ADK: variants seen among roughly 807,000 people sequenced by gnomAD.
The protein encoded by ADK is N6,N6-dimethyladenosine kinase.
In ADK, 24 loss-of-function variants were observed where a neutral mutation model predicts 44.7. That is an observed-to-expected ratio of 0.54 (90% CI 0.39 to 0.76). ADK has a LOEUF of 0.76. Ranked by LOEUF, ADK falls within the 30% of genes least tolerant of loss-of-function variation. ADK has a pLI of 0.00. For missense variants in ADK, 321 were observed against 425.1 expected (o/e 0.76, Z 2.15); for synonymous variants, 128 against 142.6 (o/e 0.90, Z 0.73).
At chr10:74,382,950 AT>A (rs939142275) in intron 4 of ADK, among the ~76,000 whole-genome samples, 1 of 151,760 alleles carries the variant, frequency 6.6e-6, no homozygotes, top group Admixed American at 6.6e-5. Flanking sequence ...TGTTTATTGG[AT>A]TTTCCCCCCC....
At chr10:74,398,185 T>C (rs2132852673) in intron 5 of ADK, among the ~76,000 whole-genome samples, 2 of 152,222 alleles carry the variant, frequency 1.3e-5, no homozygotes, top group South Asian at 2.1e-4. Flanking sequence ...TTTTGAACTA[T>C]TAAGGTGTAA....
At chr10:74,275,739 A>G (rs1205361190) in intron 3 of ADK, among the ~76,000 whole-genome samples, 1 of 151,792 alleles carries the variant, frequency 6.6e-6, no homozygotes, top group Admixed American at 6.6e-5. Context: ...GCTTACTACA[A>G]CCTCCACCTC....
chr10:74,480,024 C>T (rs555036512), intron 6 of ADK, among the ~76,000 whole-genome samples: 2 of 152,174 alleles, frequency 1.3e-5, no homozygotes, highest in East Asian at 3.9e-4. Flanking sequence ...TCTTCTAATA[C>T]ATTTCTCAGG....
At chr10:74,325,785 A>G (rs1245701321) in intron 4 of ADK, among the ~76,000 whole-genome samples, 1 of 152,022 alleles carries the variant, frequency 6.6e-6, no homozygotes, top group African/African-American at 2.4e-5. Flanking sequence ...TGATTTGTGT[A>G]TGTTGAACCA....
intron 6 of ADK, among the ~76,000 whole-genome samples, chr10:74,474,533 T>TCTTTC (rs1235057779): frequency 2.0e-5 from 3 of 151,536 alleles, no homozygotes; most frequent in Non-Finnish European, 4.4e-5. Flanking sequence ...TTCTTTCCTT[T>TCTTTC]CTTTCCTTTC....
intron 10 of ADK, among the ~76,000 whole-genome samples, chr10:74,691,189 G>A (rs1451355795): frequency 6.6e-6 from 1 of 152,146 alleles, no homozygotes; most frequent in Non-Finnish European, 1.5e-5. Context: ...ATCACTAAAG[G>A]ACAGATAGCT....
chr10:74,491,825 A>G lies in ADK; in HGVS notation c.556-33431A>G, dbSNP rs146495072. On this transcript the variant is annotated intron_variant, in intron 6 of 10. Coordinates refer to ENST00000539909, the MANE Select transcript of ADK (RefSeq NM_006721.4). ...GTTGCTTTCCCCCCCGATAGAAACT[A>G]TAAATGGTAGTGTTATTGTGGTTAG... 3.3e-5 allele frequency among the ~76,000 whole-genome samples: 5 copies of G among 152,258 alleles called. No individual in the cohort carries two copies. In the East Asian group the frequency reaches 9.6e-4, roughly 29 times the overall value.
In ADK at chr10:74,151,231, G is replaced by GGAT; in HGVS notation, c.-46_-44dup. 1 of 1,545,518 alleles carries GGAT rather than the reference G, an allele frequency of 6.5e-7. No individual in the cohort carries two copies. ...CGAAGAGGGGGCGGGACCAGAGAGT[G>GGAT]GATGGCAGAGGTGGGCTGTAGAGCC... is the stretch of plus-strand genomic sequence containing the variant. On this transcript the variant is annotated 5_prime_UTR_variant, in exon 1 of 11. The change creates a new upstream start codon in the 5' untranslated region. Transcript: ENST00000539909.
intron 7 of ADK, among the ~76,000 whole-genome samples, chr10:74,577,114 G>GTGTA (rs1851218139): frequency 7.8e-6 from 1 of 127,726 alleles, no homozygotes; most frequent in Admixed American, 7.3e-5. Flanking sequence ...ATTTCTCTGT[G>GTGTA]TGTGTGTGTG....
intron 4 of ADK, among the ~76,000 whole-genome samples, chr10:74,384,670 C>CA (rs2132016776): frequency 6.6e-6 from 1 of 151,750 alleles, no homozygotes; most frequent in Admixed American, 6.6e-5. Context: ...GACTCCGTCT[C>CA]AAAAAAATAA....
At chr10:74,272,078 ATG>A (rs1846453027) in intron 3 of ADK, among the ~76,000 whole-genome samples, 2 of 152,150 alleles carry the variant, frequency 1.3e-5, no homozygotes, top group Non-Finnish European at 2.9e-5. Flanking sequence ...GAGTCAAAAT[ATG>A]TGTAGTTATT....
intron 7 of ADK, among the ~76,000 whole-genome samples, chr10:74,578,148 G>T (rs1669123642): frequency 6.6e-6 from 1 of 152,064 alleles, no homozygotes. Context: ...AAAGTGGAAG[G>T]AATTATTAGA....
In ADK at chr10:74,273,175, GA is replaced by G. The variant is rs1311534569; in HGVS notation, c.195-41478del. On this transcript the variant is annotated intron_variant, in intron 3 of 10. Coordinates refer to ENST00000539909, the MANE Select transcript of ADK (RefSeq NM_006721.4). ...CTGTCTGGCCTACAGAGGACAGCCA[GA>G]AAAAAAAAAAAAATTGCCTTAAGCT... Among the ~76,000 whole-genome samples, 145 of 143,174 alleles carry G rather than the reference GA, an allele frequency of 1.0e-3. 1 individual carries two copies. Among genetic ancestry groups the G allele is most frequent in the African/African-American group, 2.4e-3 (83 of 35,152 alleles). 93.9% of individuals were successfully genotyped at this position (143,174 alleles called of 152,430 possible).
At chr10:74,360,284 A>G (rs564745381) in intron 4 of ADK, among the ~76,000 whole-genome samples, 2 of 152,224 alleles carry the variant, frequency 1.3e-5, no homozygotes, top group African/African-American at 2.4e-5. Context: ...TTTCTAGTCT[A>G]ATAATGTATT....
At chr10:74,502,907 T>C (rs1338791090) in intron 6 of ADK, among the ~76,000 whole-genome samples, 3 of 152,202 alleles carry the variant, frequency 2.0e-5, no homozygotes, top group Non-Finnish European at 4.4e-5. Flanking sequence ...ATATCGTTTC[T>C]TTCTCTCTAA....
chr10:74,433,728 CT>C (rs1845081392), intron 6 of ADK, among the ~76,000 whole-genome samples: 2 of 152,060 alleles, frequency 1.3e-5, no homozygotes, highest in Admixed American at 1.3e-4. Context: ...CAGTTGCCAG[CT>C]ATATTAAAGG....
chr10:74,498,774 A>G (rs1251044376), intron 6 of ADK, among the ~76,000 whole-genome samples: 1 of 152,106 alleles, frequency 6.6e-6, no homozygotes, highest in African/African-American at 2.4e-5. Flanking sequence ...GAACATGTAC[A>G]CTATTCACAA....
At position 74,398,507 on chromosome 10, in the gene ADK, T is replaced by TA; in HGVS notation, c.488dup (p.Glu164GlyfsTer5). On this transcript the variant is annotated frameshift_variant, in exon 6 of 11. Transcript: ENST00000539909. LOFTEE classifies it high-confidence loss of function. ...CTAATCTTGCTGCTGCCAATTGTTA[T>TA]AAAAAGGAAAAACATCTTGATCTGG... 1 of 1,611,814 alleles carries TA rather than the reference T, an allele frequency of 6.2e-7. No homozygotes were observed. Among genetic ancestry groups the TA allele is most frequent in the Non-Finnish European group, 8.5e-7 (1 of 1,178,574 alleles).
At chr10:74,396,818 T>C (rs116610417) in intron 5 of ADK, among the ~76,000 whole-genome samples, 5,713 of 152,030 alleles carry the variant, frequency 0.038, 317 homozygotes, top group African/African-American at 0.12. Context: ...TAGCCGAGCA[T>C]CATGGCGGGC....
Sources: gnomAD v4.1 joint callset for allele counts (sites outside exome capture counted in the v4.1 genomes callset) on GRCh38, gnomAD v4.1.1 for gene constraint, MANE v1.5 for transcripts, NCBI Gene and HGNC (gene_info 2026-07-23, HGNC 2026-07-21) for gene names.